AASS: variants seen among roughly 807,000 people sequenced by gnomAD.
AASS encodes the protein aminoadipate-semialdehyde synthase.
A neutral mutation model predicts 105.4 loss-of-function variants in AASS; 86 were observed. The observed-to-expected ratio is 0.82, with a 90% CI of 0.69 to 0.98. AASS has a LOEUF of 0.98. Ranked by LOEUF, AASS falls within the 50% of genes least tolerant of loss-of-function variation. AASS has a pLI of 0.00. For synonymous variants in AASS, 381 were observed against 394.8 expected (o/e 0.96, Z 0.41); for missense variants, 1,048 against 1,143.2 (o/e 0.92, Z 1.20).
intron 18 of AASS, among the ~76,000 whole-genome samples, chr7:122,090,679 A>G (rs1349009974): frequency 6.6e-6 from 1 of 152,172 alleles, no homozygotes; most frequent in African/African-American, 2.4e-5. Context: ...CACAATTCAA[A>G]GAGGCACTCT....
intron 1 of AASS, among the ~76,000 whole-genome samples, chr7:122,141,892 T>C (rs907616902): frequency 5.3e-5 from 8 of 152,294 alleles, no homozygotes; most frequent in Non-Finnish European, 1.2e-4. Context: ...TAGTAGTAAC[T>C]GGACACTGAG....
At chr7:122,101,149 T>C (rs1206742466) in intron 13 of AASS, among the ~76,000 whole-genome samples, 1 of 148,934 alleles carries the variant, frequency 6.7e-6, no homozygotes, top group Admixed American at 6.6e-5. Flanking sequence ...CTACACAGGC[T>C]ATTAGAAAGC....
rs1030595653 is a variant in AASS at position 122,076,199 on chromosome 7, A to C, written c.*290T>G. 1.5e-5 allele frequency: 5 copies of C among 331,112 alleles called. No individual in the cohort carries two copies. The highest frequency in any genetic ancestry group is 4.6e-5 in the Admixed American group (1 of 21,598). 20.5% of individuals were successfully genotyped at this position (331,112 alleles called of 1,614,324 possible). Reference sequence around the variant, plus strand: ...AAAAAACAACAACAACAAAAAAAAAACAAAAGAAAAAAAGTGGCACAATAA... The same window carrying C: ...AAAAAACAACAACAACAAAAAAAAACCAAAAGAAAAAAAGTGGCACAATAA... On this transcript the variant is annotated 3_prime_UTR_variant, in exon 24 of 24. Transcript: ENST00000417368.
In AASS at chr7:122,074,965, T is replaced by C. The variant is rs1023733967; in HGVS notation, c.*1524A>G. Among the ~76,000 whole-genome samples the C allele has an allele frequency of 6.6e-6, 1 of 152,188 alleles. No individual in the cohort carries two copies. The highest frequency in any genetic ancestry group is 1.5e-5 in the Non-Finnish European group (1 of 68,026). The stretch of plus-strand genomic sequence containing the variant: ...GCTTCGAACTTTGGGGCTCAAGCCA[T>C]CCTTACACCTCAGCCTCTGAGTAGC... On this transcript the variant is annotated 3_prime_UTR_variant, in exon 24 of 24. Coordinates refer to ENST00000417368, the MANE Select transcript of AASS (RefSeq NM_005763.4).
At position 122,115,145 on chromosome 7, in the gene AASS, A is replaced by C. The variant is rs1486251881; in HGVS notation, c.972T>G (p.Asp324Glu). ...QNTPRLLTRQ[D>E]AQSLLAPGKF... ...TGCCCGGAGCCAGGAGACTCTGAGC[A>C]TCTTGGCGGGTTAGGAGGCGAGGAG... The change falls in exon 9 of 24, where the codon GAT (aspartate) becomes GAG (glutamate). Residue 324 changes from aspartate (D) to glutamate (E), a missense_variant. Asp to Glu is a conservative substitution (Grantham distance 45, BLOSUM62 2). Coordinates refer to ENST00000417368, the MANE Select transcript of AASS (RefSeq NM_005763.4). 4 of 1,614,070 alleles carry C rather than the reference A, an allele frequency of 2.5e-6. No individual in the cohort carries two copies. The highest frequency in any genetic ancestry group is 3.4e-6 in the Non-Finnish European group (4 of 1,180,040).
At chr7:122,091,086 G>A (rs1240263737) in intron 18 of AASS, among the ~76,000 whole-genome samples, 6 of 152,100 alleles carry the variant, frequency 3.9e-5, no homozygotes, top group Non-Finnish European at 7.4e-5. Context: ...TCTGGCAAAA[G>A]GAGAAAAAAA....
chr7:122,086,481 T>C (rs903028781), intron 18 of AASS, among the ~76,000 whole-genome samples: 7 of 151,624 alleles, frequency 4.6e-5, no homozygotes, highest in Non-Finnish European at 7.4e-5. Flanking sequence ...CCACTAGAGT[T>C]TGCCTTTTTA....
At chr7:122,116,275 T>C (rs943761047) in intron 8 of AASS, among the ~76,000 whole-genome samples, 1 of 152,180 alleles carries the variant, frequency 6.6e-6, no homozygotes, top group Non-Finnish European at 1.5e-5. Flanking sequence ...TTTGCGGCCA[T>C]GTTGAGACCA....
In AASS at chr7:122,078,914, T is replaced by C. The variant is rs1793171122; in HGVS notation, c.2433A>G (p.Ala811=). ...GLLGDEQVPQ[A]ESILDALSKH... is the part of the protein sequence containing the mutation. ...TGGAGAGGGCATCCAGAATGGACTC[T>C]GCCTGAGGAACTTGTTCATCCCCAA... is the stretch of plus-strand genomic sequence containing the variant. Residue 811 remains alanine, a synonymous_variant, in exon 22 of 24, where the codon GCA becomes GCG. Coordinates refer to ENST00000417368, the MANE Select transcript of AASS (RefSeq NM_005763.4). 1.2e-6 allele frequency: 2 copies of C among 1,614,148 alleles called. No individual in the cohort carries two copies. The highest frequency in any genetic ancestry group is 1.6e-4 in the Middle Eastern group (1 of 6,062).
chr7:122,113,989 T>C (rs1247034513), intron 9 of AASS, among the ~76,000 whole-genome samples: 1 of 151,872 alleles, frequency 6.6e-6, no homozygotes, highest in Non-Finnish European at 1.5e-5. Flanking sequence ...AAAATTGCTT[T>C]CCTAGAGAAA....
intron 8 of AASS, 131 bp downstream of exon 8, chr7:122,116,502 A>C: frequency 8.4e-7 from 1 of 1,195,534 alleles, no homozygotes; most frequent in South Asian, 1.3e-5. Context: ...CAAAGGCCAA[A>C]TCATGATACC....
chr7:122,119,242 C>G (rs539191661), intron 4 of AASS, among the ~76,000 whole-genome samples: 1 of 152,232 alleles, frequency 6.6e-6, no homozygotes, highest in South Asian at 2.1e-4. Context: ...CTTCCTGTGG[C>G]AATTCCTTTT....
Position 122,139,695 on chromosome 7 carries a change from T to A in AASS, c.-16+4466A>T, listed in dbSNP as rs117017737. Reference sequence around the variant, plus strand: ...GTGTTTGGCCAAGCACAGTGGCTTATGCCTATAATGCCAGCACTTTGGGAG... The same window carrying A: ...GTGTTTGGCCAAGCACAGTGGCTTAAGCCTATAATGCCAGCACTTTGGGAG... On this transcript the variant is annotated intron_variant, in intron 1 of 23. Coordinates refer to ENST00000417368, the MANE Select transcript of AASS (RefSeq NM_005763.4). Among the ~76,000 whole-genome samples the A allele has an allele frequency of 1.9e-3, 293 of 152,336 alleles. 2 individuals are homozygous for A. The highest frequency in any genetic ancestry group is 3.7e-3 in the Non-Finnish European group (255 of 68,042).
At chr7:122,084,816 C>T (rs774169805) in intron 19 of AASS, among the ~76,000 whole-genome samples, 3 of 151,956 alleles carry the variant, frequency 2.0e-5, no homozygotes, top group Non-Finnish European at 4.4e-5. Flanking sequence ...TTAGAGAATA[C>T]TAGATAACAC....
chr7:122,106,385 A>C (rs1023470381), intron 11 of AASS, among the ~76,000 whole-genome samples: 2 of 152,098 alleles, frequency 1.3e-5, no homozygotes, highest in Non-Finnish European at 2.9e-5. Context: ...GACATTCTTC[A>C]TAGAACTAGA....
intron 15 of AASS, among the ~76,000 whole-genome samples, chr7:122,096,953 G>T (rs753489445): frequency 5.3e-5 from 8 of 152,108 alleles, no homozygotes; most frequent in East Asian, 1.9e-4. Flanking sequence ...TACTCAGAAG[G>T]CTAGATCATT....
At chr7:122,125,997 A>G (rs921698304) in intron 4 of AASS, among the ~76,000 whole-genome samples, 6 of 152,128 alleles carry the variant, frequency 3.9e-5, no homozygotes, top group Admixed American at 1.3e-4. Context: ...ACAAGGTTCA[A>G]AGAATTAACT....
chr7:122,119,976 G>A (rs951594906), intron 4 of AASS, among the ~76,000 whole-genome samples: 1 of 152,092 alleles, frequency 6.6e-6, no homozygotes. Flanking sequence ...GAATATAAGC[G>A]GACTCATGCA....
chr7:122,093,031 A>C lies in AASS; in HGVS notation c.1766+17T>G. On this transcript the variant is annotated intron_variant, in intron 16 of 23. Transcript: ENST00000417368. Reference sequence around the variant, plus strand: ...GCCATGGATCCACTCAGTTTGTTTAAAATGATTAAAACTTACCTCTTTTCC... The same window carrying C: ...GCCATGGATCCACTCAGTTTGTTTACAATGATTAAAACTTACCTCTTTTCC... 6.2e-7 allele frequency: 1 copy of C among 1,612,662 alleles called. No homozygotes were observed. Among genetic ancestry groups the C allele is most frequent in the Non-Finnish European group, 8.5e-7 (1 of 1,178,718 alleles).
Sources: allele counts gnomAD v4.1 joint callset (sites outside exome capture counted in the v4.1 genomes callset), GRCh38; gene constraint gnomAD v4.1.1; transcripts MANE v1.5; gene names NCBI Gene and HGNC (gene_info 2026-07-23, HGNC 2026-07-21).